The following TBC1D5 variants were observed in gnomAD, a reference collection of about 807,000 sequenced individuals.
TBC1D5 encodes TBC1 domain family, member 5.
Under a neutral mutation model 100.3 loss-of-function variants are expected in TBC1D5, and 75 were observed. That is an observed-to-expected ratio of 0.75 (90% CI 0.62 to 0.91). The LOEUF (loss-of-function observed/expected upper bound fraction) is 0.91, where lower values mean the gene tolerates loss of function less well. Ranked by LOEUF, TBC1D5 falls within the 40% of genes least tolerant of loss-of-function variation. TBC1D5 has a pLI of 0.00. For synonymous variants in TBC1D5, 323 were observed against 325.6 expected (o/e 0.99, Z 0.09); for missense variants, 910 against 942.4 (o/e 0.97, Z 0.45).
intron 3 of TBC1D5, among the ~76,000 whole-genome samples, chr3:17,455,314 A>ATATACATATATG (rs2095042547): frequency 1.4e-5 from 2 of 139,808 alleles, no homozygotes; most frequent in African/African-American, 5.5e-5. Context: ...ATATGTAAAT[A>ATATACATATATG]TGTGTATATG....
intron 3 of TBC1D5, among the ~76,000 whole-genome samples, chr3:17,436,884 G>T (rs2094545952): frequency 6.6e-6 from 1 of 151,994 alleles, no homozygotes; most frequent in Non-Finnish European, 1.5e-5. Flanking sequence ...TGGGAAACAG[G>T]GACTAATTTC....
At chr3:17,708,746 C>T (rs1005707141) in intron 1 of TBC1D5, among the ~76,000 whole-genome samples, 2 of 152,182 alleles carry the variant, frequency 1.3e-5, no homozygotes, top group South Asian at 2.1e-4. Context: ...TCCATTCTAC[C>T]GGATACTGTC....
chr3:17,383,697 A>C (rs1451525737), intron 9 of TBC1D5, among the ~76,000 whole-genome samples: 2 of 152,092 alleles, frequency 1.3e-5, no homozygotes, highest in African/African-American at 4.8e-5. Context: ...ACCTTCTAGA[A>C]GACAATTTGG....
rs1158173361 is a variant in TBC1D5 at position 17,258,486 on chromosome 3, A to T, written c.1331+20T>A. On this transcript the variant is annotated intron_variant, in intron 16 of 21. Transcript: ENST00000253692. ...ACTACCTTTGTGATTTATAACTATC[A>T]TCAGAAAAAGGGGACTTACCGGCTT... 6.2e-7 allele frequency: 1 copy of T among 1,601,530 alleles called. No individual in the cohort carries two copies. The highest frequency in any genetic ancestry group is 8.5e-7 in the Non-Finnish European group (1 of 1,173,094).
chr3:17,248,141 G>A (rs926695958), intron 16 of TBC1D5, among the ~76,000 whole-genome samples: 10 of 152,010 alleles, frequency 6.6e-5, no homozygotes, highest in African/African-American at 2.2e-4. Context: ...AAAGGCACCC[G>A]CCACCACACC....
intron 13 of TBC1D5, among the ~76,000 whole-genome samples, chr3:17,362,387 A>T (rs1003364712): frequency 6.6e-6 from 1 of 152,188 alleles, no homozygotes; most frequent in Non-Finnish European, 1.5e-5. Flanking sequence ...GTGACAATGG[A>T]CTTGTATCCA....
At chr3:17,359,083 G>C (rs1277827648) in intron 13 of TBC1D5, among the ~76,000 whole-genome samples, 1 of 151,808 alleles carries the variant, frequency 6.6e-6, no homozygotes, top group East Asian at 1.9e-4. Flanking sequence ...AGAAATTTGA[G>C]GGGATAAAGA....
chr3:17,220,473 A>G (rs2074148116), intron 17 of TBC1D5, among the ~76,000 whole-genome samples: 1 of 152,062 alleles, frequency 6.6e-6, no homozygotes, highest in African/African-American at 2.4e-5. Flanking sequence ...TGCTCATTTT[A>G]CTTTCCAAAA....
At chr3:17,319,060 G>A (rs2085046837) in intron 13 of TBC1D5, among the ~76,000 whole-genome samples, 1 of 152,200 alleles carries the variant, frequency 6.6e-6, no homozygotes, top group Admixed American at 6.5e-5. Flanking sequence ...AAAGACTTAT[G>A]AGGTCTAGAA....
rs1011373564 is a variant in TBC1D5, at chr3:17,430,516, GA to G, written c.98-1998del. Among the ~76,000 whole-genome samples, 62 of 149,560 alleles carry G rather than the reference GA, an allele frequency of 4.1e-4. No homozygotes were observed. In the East Asian group the frequency reaches 5.3e-3, roughly 13 times the overall value. ...CAAGGTGCAAAAAAATGGTAATAGG[GA>G]AAAAAAAAGCAGTTTTTCTTTCTCA... On this transcript the variant is annotated intron_variant, in intron 3 of 21. Transcript: ENST00000253692.
At chr3:17,545,084 C>T (rs555309898) in intron 2 of TBC1D5, among the ~76,000 whole-genome samples, 1 of 152,072 alleles carries the variant, frequency 6.6e-6, no homozygotes, top group East Asian at 1.9e-4. Flanking sequence ...TAAATAAAAG[C>T]TGTGATTTTT....
chr3:17,587,032 A>C (rs1432002564), intron 2 of TBC1D5, among the ~76,000 whole-genome samples: 1 of 152,086 alleles, frequency 6.6e-6, no homozygotes, highest in Non-Finnish European at 1.5e-5. Context: ...TAAAGCATTA[A>C]TAAAATGTAA....
chr3:17,678,304 C>T (rs1480240951), intron 1 of TBC1D5, among the ~76,000 whole-genome samples: 1 of 152,090 alleles, frequency 6.6e-6, no homozygotes, highest in Non-Finnish European at 1.5e-5. Context: ...AGAAAGTTTT[C>T]AAGAGCTGCA....
chr3:17,342,515 A>C (rs781031275), intron 13 of TBC1D5, among the ~76,000 whole-genome samples: 2 of 152,218 alleles, frequency 1.3e-5, no homozygotes, highest in Non-Finnish European at 2.9e-5. Flanking sequence ...ACCAAATTAA[A>C]GGAAAATATT....
At chr3:17,306,619 A>G (rs1575234399) in intron 14 of TBC1D5, among the ~76,000 whole-genome samples, 3 of 152,320 alleles carry the variant, frequency 2.0e-5, no homozygotes, top group Admixed American at 2.0e-4. Flanking sequence ...TAAATTAAAA[A>G]TATATAGTGG....
At chr3:17,617,003 G>T (rs900086773) in intron 2 of TBC1D5, among the ~76,000 whole-genome samples, 32 of 152,098 alleles carry the variant, frequency 2.1e-4, no homozygotes, top group Non-Finnish European at 3.8e-4. Flanking sequence ...TTACAATTTG[G>T]CATGTTTTTG....
In TBC1D5 at chr3:17,457,688, C is replaced by G. The variant is rs761658704; in HGVS notation, c.98-29169G>C. Among the ~76,000 whole-genome samples the G allele has an allele frequency of 2.0e-5, 3 of 151,700 alleles. No homozygotes were observed. The East Asian group carries it at 5.8e-4, about 29-fold the overall frequency. On this transcript the variant is annotated intron_variant, in intron 3 of 21. Coordinates refer to ENST00000253692, the Ensembl canonical transcript of TBC1D5. ...TGTGTTTTGGTTCTAATTGCTTTAT[C>G]TATTTTGAGTGTTTTTTTTTTCTTG...
Position 17,265,885 on chromosome 3 carries a change from CT to C in TBC1D5, c.1246-7295del, listed in dbSNP as rs367863783. Reference sequence around the variant, plus strand: ...TATAGAAAACAAACACTGCCAATTGCTTTTTTTTTTTTTAACTGAAGGTATT... The same window carrying C: ...TATAGAAAACAAACACTGCCAATTGCTTTTTTTTTTTTAACTGAAGGTATT... On this transcript the variant is annotated intron_variant, in intron 15 of 21. Transcript: ENST00000253692. Among the ~76,000 whole-genome samples the C allele has an allele frequency of 6.0e-3, 846 of 142,078 alleles. 1 individual carries two copies. The highest frequency in any genetic ancestry group is 0.026 in the Middle Eastern group (7 of 270). The allele number at this position is 142,078 out of a possible 152,430, so 93.2% of individuals were successfully genotyped here.
intron 13 of TBC1D5, among the ~76,000 whole-genome samples, chr3:17,343,382 A>G (rs1165664167): frequency 2.6e-5 from 4 of 151,990 alleles, no homozygotes; most frequent in Non-Finnish European, 5.9e-5. Context: ...TATTTTATTG[A>G]GGATTTTCGC....
Sources: gnomAD v4.1 joint callset for allele counts (sites outside exome capture counted in the v4.1 genomes callset) on GRCh38, gnomAD v4.1.1 for gene constraint, MANE v1.5 for transcripts, NCBI Gene and HGNC (gene_info 2026-07-23, HGNC 2026-07-21) for gene names.